MTHFD1L: variants seen among roughly 807,000 people sequenced by gnomAD.
MTHFD1L encodes the protein monofunctional C1-tetrahydrofolate synthase, mitochondrial.
MTHFD1L carries 81 observed loss-of-function variants against 119.5 expected under a neutral mutation model. The ratio of observed to expected loss-of-function variants is 0.68; its 90% CI spans 0.57 to 0.82. The LOEUF is 0.82. Ranked by LOEUF, MTHFD1L falls within the 40% of genes least tolerant of loss-of-function variation. MTHFD1L has a pLI of 0.00. For missense variants in MTHFD1L, 1,125 were observed against 1,253.4 expected (o/e 0.90, Z 1.55); for synonymous variants, 430 against 475.2 (o/e 0.90, Z 1.24).
At chr6:150,896,941 A>G (rs561552650) in intron 7 of MTHFD1L, among the ~76,000 whole-genome samples, 2 of 144,406 alleles carry the variant, frequency 1.4e-5, no homozygotes, top group South Asian at 2.3e-4. Flanking sequence ...CCCTGTCTCT[A>G]CTAAAAAAAA....
chr6:150,975,954 C>T (rs192496802), intron 20 of MTHFD1L, among the ~76,000 whole-genome samples: 9 of 152,214 alleles, frequency 5.9e-5, no homozygotes, highest in African/African-American at 1.9e-4. Context: ...AAGGGGGAAG[C>T]GGGGACGCCA....
chr6:151,032,027 T>G (rs1785401614), intron 24 of MTHFD1L, among the ~76,000 whole-genome samples: 1 of 152,350 alleles, frequency 6.6e-6, no homozygotes, highest in South Asian at 2.1e-4. Flanking sequence ...TTGTCTATAC[T>G]TGTGCCAGTA....
intron 26 of MTHFD1L, among the ~76,000 whole-genome samples, chr6:151,051,089 C>G (rs894103398): frequency 1.1e-4 from 17 of 152,240 alleles, no homozygotes; most frequent in African/African-American, 4.1e-4. Context: ...TCTTTCCATC[C>G]TGAGGCTAGC....
Position 151,064,405 on chromosome 6 carries a change from C to A in MTHFD1L, c.2847+27288C>A, listed in dbSNP as rs577249353. Among the ~76,000 whole-genome samples, 3 of 151,842 alleles carry A rather than the reference C, an allele frequency of 2.0e-5. No homozygotes were observed. In the East Asian group the frequency reaches 5.9e-4, roughly 30 times the overall value. On this transcript the variant is annotated intron_variant, in intron 26 of 27. Transcript: ENST00000367321. ...TTGGCTCATTGCAACCTCCGCCCCC[C>A]CGGATTCGAGTGATTCTCCTGCCTC...
intron 27 of MTHFD1L, among the ~76,000 whole-genome samples, chr6:151,096,838 G>A (rs942301413): frequency 2.0e-5 from 3 of 152,174 alleles, no homozygotes; most frequent in Non-Finnish European, 2.9e-5. Flanking sequence ...CTAGGAAACC[G>A]TGTGAAACCA....
At chr6:151,038,020 T>A (rs1786445893) in intron 26 of MTHFD1L, among the ~76,000 whole-genome samples, 1 of 152,236 alleles carries the variant, frequency 6.6e-6, no homozygotes, top group Non-Finnish European at 1.5e-5. Flanking sequence ...AAACAAGCAA[T>A]AGATAGATAA....
At chr6:151,006,710 T>C (rs1051589253) in intron 20 of MTHFD1L, among the ~76,000 whole-genome samples, 9 of 152,156 alleles carry the variant, frequency 5.9e-5, no homozygotes, top group Admixed American at 4.6e-4. Flanking sequence ...TGGAGATAGA[T>C]GGTGACTTTC....
At position 150,926,350 on chromosome 6, in the gene MTHFD1L, C is replaced by T. The variant is rs911914874; in HGVS notation, c.1256+55C>T. 2.0e-6 allele frequency: 3 copies of T among 1,485,098 alleles called. No individual in the cohort carries two copies. The highest frequency in any genetic ancestry group is 1.4e-5 in the African/African-American group (1 of 72,144). 92.0% of individuals were successfully genotyped at this position (1,485,098 alleles called of 1,614,324 possible). On this transcript the variant is annotated intron_variant, in intron 11 of 27. Coordinates refer to ENST00000367321, the MANE Select transcript of MTHFD1L (RefSeq NM_015440.5). The surrounding 1 kb of genome is among the most constrained non-coding windows in gnomAD (Gnocchi z 4.3). Reference sequence around the variant, plus strand: ...AAGCAGACATATTTACAAAACTCTTCCCTATTTATCTCTCTCCTCGTACCC... The same window carrying T: ...AAGCAGACATATTTACAAAACTCTTTCCTATTTATCTCTCTCCTCGTACCC...
chr6:150,966,544 C>T (rs966735723), intron 19 of MTHFD1L, among the ~76,000 whole-genome samples: 1 of 152,226 alleles, frequency 6.6e-6, no homozygotes, highest in East Asian at 1.9e-4. Context: ...GGGGATTGGC[C>T]AGGCACGGTG....
intron 26 of MTHFD1L, among the ~76,000 whole-genome samples, chr6:151,077,949 A>G (rs1792724260): frequency 6.9e-6 from 1 of 145,438 alleles, no homozygotes; most frequent in Non-Finnish European, 1.5e-5. Flanking sequence ...TACTCCGGAG[A>G]GGCTGAGGCA....
intron 12 of MTHFD1L, among the ~76,000 whole-genome samples, chr6:150,937,321 A>C (rs1277474228): frequency 6.6e-6 from 1 of 152,114 alleles, no homozygotes; most frequent in Non-Finnish European, 1.5e-5. Flanking sequence ...GTCTCGGCTC[A>C]TTGGAGTTGC....
chr6:150,994,463 C>G lies in MTHFD1L; in HGVS notation c.2126-15356C>G, dbSNP rs577643773. 1.1e-4 allele frequency among the ~76,000 whole-genome samples: 16 copies of G among 150,782 alleles called. No homozygotes were observed. The South Asian group carries it at 1.5e-3, about 14-fold the overall frequency. ...ATCCACTGTCAGCGTGACGACAGTT[C>G]AAGAGGTTTTCCTAGACACAGAGTT... is the stretch of plus-strand genomic sequence containing the variant. On this transcript the variant is annotated intron_variant, in intron 20 of 27. Transcript: ENST00000367321.
At chr6:151,020,138 C>G (rs1160283971) in intron 24 of MTHFD1L, among the ~76,000 whole-genome samples, 1 of 152,214 alleles carries the variant, frequency 6.6e-6, no homozygotes, top group Non-Finnish European at 1.5e-5. Flanking sequence ...AGAATGTATT[C>G]AGTACAAGAC....
In MTHFD1L at chr6:151,039,940, A is replaced by ACATACATACATACATACATGCATACATG; in HGVS notation, c.2847+2830_2847+2831insACATACATACATGCATACATGCATACAT. On this transcript the variant is annotated intron_variant, in intron 26 of 27. Coordinates refer to ENST00000367321, the MANE Select transcript of MTHFD1L (RefSeq NM_015440.5). The surrounding 1 kb of genome is among the most constrained non-coding windows in gnomAD (Gnocchi z 4.4). ...TAAATACATACATACATACATACAT[A>ACATACATACATACATACATGCATACATG]CATACATGCATACATGCATACATGC... 1.3e-5 allele frequency among the ~76,000 whole-genome samples: 2 copies of ACATACATACATACATACATGCATACATG among 150,214 alleles called. No homozygotes were observed. Among genetic ancestry groups the ACATACATACATACATACATGCATACATG allele is most frequent in the East Asian group, 3.9e-4 (2 of 5,168 alleles).
intron 26 of MTHFD1L, among the ~76,000 whole-genome samples, chr6:151,052,357 TAC>T (rs1287348737): frequency 6.6e-6 from 1 of 152,146 alleles, no homozygotes; most frequent in African/African-American, 2.4e-5. Context: ...GCACTGAGGT[TAC>T]CAAGACTGGA....
chr6:150,876,045 C>G, intron 1 of MTHFD1L, 45 bp from the exon 2 acceptor site: 1 of 1,430,840 alleles, frequency 7.0e-7, no homozygotes, highest in Non-Finnish European at 9.8e-7. Context: ...GTCCTTTCTA[C>G]TCATTAACCA....
At chr6:151,060,828 GCAATAT>G (rs2128600087) in intron 26 of MTHFD1L, among the ~76,000 whole-genome samples, 1 of 152,310 alleles carries the variant, frequency 6.6e-6, no homozygotes, top group East Asian at 1.9e-4. Context: ...TTTAAGTACA[GCAATAT>G]CATAATTACA....
chr6:151,080,258 C>T (rs61116487), intron 26 of MTHFD1L, among the ~76,000 whole-genome samples: 18,343 of 152,100 alleles, frequency 0.12, 1,136 homozygotes, highest in South Asian at 0.18. Flanking sequence ...TATGAGAAAC[C>T]GAAAGAGAAG....
chr6:150,963,809 A>T (rs1455475933), intron 18 of MTHFD1L, among the ~76,000 whole-genome samples: 1 of 152,200 alleles, frequency 6.6e-6, no homozygotes, highest in Non-Finnish European at 1.5e-5. Context: ...CCTTCCAATA[A>T]CTAATATGTT....
Sources: allele counts gnomAD v4.1 joint callset (sites outside exome capture counted in the v4.1 genomes callset), GRCh38; gene constraint gnomAD v4.1.1; non-coding constraint Gnocchi (gnomAD v3.1); transcripts MANE v1.5; gene names NCBI Gene and HGNC (gene_info 2026-07-23, HGNC 2026-07-21).